Variants in RAB6A observed in about 807,000 individuals in gnomAD.
RAB6A encodes ras-related protein Rab-6A.
In RAB6A, 8 loss-of-function variants were observed where a neutral mutation model predicts 32.3. The observed-to-expected ratio is 0.25, with a 90% confidence interval of 0.15 to 0.45. The LOEUF (loss-of-function observed/expected upper bound fraction) is 0.45. Among genes scored for constraint, RAB6A ranks in the 20% least tolerant of loss-of-function variants. The pLI is 1.00. For missense variants in RAB6A, 104 were observed against 249.4 expected, an observed-to-expected ratio of 0.42 and a Z score of 3.93; for synonymous variants, 73 against 82.1, an observed-to-expected ratio of 0.89 and a Z score of 0.60.
intron 1 of RAB6A, among the ~76,000 whole-genome samples, chr11:73,755,516 C>G (rs1175612298): frequency 2.0e-5 from 3 of 152,164 alleles, no homozygotes. Context: ...TGGTCTCGAA[C>G]CCCTGACCTC....
At chr11:73,729,542 A>T in intron 2 of RAB6A, 1 of 151,690 alleles carries the variant, frequency 6.6e-6, no homozygotes. Flanking sequence ...GGTTTCATTG[A>T]TTTCCTCCAT....
intron 2 of RAB6A, among the ~76,000 whole-genome samples, chr11:73,727,757 A>G (rs1048869060): frequency 1.5e-4 from 23 of 152,218 alleles, no homozygotes; most frequent in African/African-American, 4.6e-4. Flanking sequence ...ATTACCCTAA[A>G]AAGGTTTCTG....
chr11:73,719,049 A>T (rs907343213), intron 3 of RAB6A, among the ~76,000 whole-genome samples: 22 of 152,030 alleles, frequency 1.4e-4, no homozygotes. Context: ...ATAACACAAA[A>T]CTCCTTTTTC....
chr11:73,698,906 C>T (rs1945698056), intron 6 of RAB6A, among the ~76,000 whole-genome samples: 2 of 136,758 alleles, frequency 1.5e-5, no homozygotes, highest in Middle Eastern at 5.7e-3. Context: ...GGCTGTAATG[C>T]AATGGCACAA....
chr11:73,728,610 AAATAAT>A (rs71065031), intron 2 of RAB6A, among the ~76,000 whole-genome samples: 60 of 136,468 alleles, frequency 4.4e-4, no homozygotes, highest in African/African-American at 8.1e-4. Flanking sequence ...GTCTTTGTTT[AAATAAT>A]AATAATAATA....
rs575246984 is a variant in RAB6A at position 73,711,910 on chromosome 11, G to A, written c.401+4341C>T. On this transcript the variant is annotated intron_variant, in intron 5 of 7. Transcript: ENST00000336083. ...TTCTTTTCAGATAATTAAGAGCTAT[G>A]TTACTTTCTCCATGAACCGTTCATA... Among the ~76,000 whole-genome samples the A allele has an allele frequency of 2.6e-5, 4 of 152,266 alleles. No individual in the cohort carries two copies. The East Asian group carries it at 5.8e-4, about 22-fold the overall frequency.
Position 73,682,601 on chromosome 11 carries a change from T to C in RAB6A, c.496-2881A>G, listed in dbSNP as rs560995319. On this transcript the variant is annotated intron_variant, in intron 6 of 7. Coordinates refer to ENST00000336083, the MANE Select transcript of RAB6A (RefSeq NM_198896.2). ...CTGCTTGAACCCGGGAGGTGGAGGA[T>C]GCAGTGAGCCAAGATGGTGCCACTG... Among the ~76,000 whole-genome samples the C allele has an allele frequency of 4.6e-5, 7 of 152,202 alleles. No individual in the cohort carries two copies. In the East Asian group the frequency reaches 1.4e-3, roughly 30 times the overall value.
At chr11:73,694,204 A>C (rs1249749668) in intron 6 of RAB6A, among the ~76,000 whole-genome samples, 1 of 152,192 alleles carries the variant, frequency 6.6e-6, no homozygotes, top group African/African-American at 2.4e-5. Flanking sequence ...CTGTAGTAAC[A>C]ATTTTTAAGG....
intron 5 of RAB6A, among the ~76,000 whole-genome samples, chr11:73,714,333 A>G (rs527780606): frequency 6.6e-6 from 1 of 151,882 alleles, no homozygotes; most frequent in Admixed American, 6.6e-5. Flanking sequence ...CTCTGGCTAT[A>G]AAGGGAAACA....
At chr11:73,697,824 T>C (rs1945679379) in intron 6 of RAB6A, among the ~76,000 whole-genome samples, 1 of 152,236 alleles carries the variant, frequency 6.6e-6, no homozygotes, top group African/African-American at 2.4e-5. Flanking sequence ...GATCAACAAA[T>C]ATCTGAGTTA....
rs577036954 is a variant in RAB6A at position 73,677,757 on chromosome 11, C to T, written c.*141G>A. 1.1e-3 allele frequency: 1,682 copies of T among 1,514,450 alleles called. 1 individual carries two copies. Among genetic ancestry groups the T allele is most frequent in the Non-Finnish European group, 1.4e-3 (1,506 of 1,115,182 alleles). The allele number at this position is 1,514,450 out of a possible 1,614,324, so 93.8% of individuals were successfully genotyped here. ...TTGTGAAGCTAATAGATCATCTCCACGAGACAGGCAGCAATGATGAATTGC... is the reference window on the plus strand; with the variant it reads ...TTGTGAAGCTAATAGATCATCTCCATGAGACAGGCAGCAATGATGAATTGC... On this transcript the variant is annotated 3_prime_UTR_variant, in exon 8 of 8. Transcript: ENST00000336083.
At chr11:73,709,446 T>TTAC (rs1945904951) in intron 5 of RAB6A, among the ~76,000 whole-genome samples, 1 of 139,590 alleles carries the variant, frequency 7.2e-6, no homozygotes, top group Admixed American at 7.3e-5. Context: ...TATATTATTA[T>TTAC]TATTATTATT....
intron 6 of RAB6A, among the ~76,000 whole-genome samples, 197 bp from the exon 7 acceptor site, chr11:73,679,917 A>C (rs1274418287): frequency 6.6e-6 from 1 of 151,966 alleles, no homozygotes; most frequent in East Asian, 1.9e-4. Context: ...CAACATGGTG[A>C]AACTCTGTCT....
At chr11:73,685,908 A>AAAAAAAC (rs1945447174) in intron 6 of RAB6A, among the ~76,000 whole-genome samples, 1 of 140,820 alleles carries the variant, frequency 7.1e-6, no homozygotes, top group Non-Finnish European at 1.5e-5. Flanking sequence ...AAAAAAAAAA[A>AAAAAAAC]GCAGCTTTAT....
chr11:73,752,973 C>A (rs1023166671), intron 1 of RAB6A, among the ~76,000 whole-genome samples: 3 of 152,084 alleles, frequency 2.0e-5, no homozygotes, highest in Admixed American at 6.5e-5. Flanking sequence ...AAAGTCCAAG[C>A]CAGGTGAGGT....
At chr11:73,758,879 T>C (rs1299337893) in intron 1 of RAB6A, among the ~76,000 whole-genome samples, 2 of 152,184 alleles carry the variant, frequency 1.3e-5, no homozygotes, top group Admixed American at 6.5e-5. Context: ...AGCAACTCCA[T>C]AGGTTCTACC....
chr11:73,690,555 C>CTTT (rs60543922), intron 6 of RAB6A, among the ~76,000 whole-genome samples: 299 of 147,558 alleles, frequency 2.0e-3, no homozygotes, highest in African/African-American at 6.6e-3. Context: ...CCAGCTAATT[C>CTTT]TTTTTTTTTT....
At chr11:73,693,559 T>A (rs1401747703) in intron 6 of RAB6A, among the ~76,000 whole-genome samples, 9 of 147,500 alleles carry the variant, frequency 6.1e-5, no homozygotes, top group African/African-American at 2.2e-4. Flanking sequence ...ACTCCATCTT[T>A]TTTTTTTTTT....
intron 1 of RAB6A, among the ~76,000 whole-genome samples, chr11:73,758,975 A>G (rs892878332): frequency 6.6e-6 from 1 of 152,136 alleles, no homozygotes; most frequent in Non-Finnish European, 1.5e-5. Context: ...TTTCCCCCCA[A>G]AAGGGAGGAG....
Sources: allele counts gnomAD v4.1 joint callset (sites outside exome capture counted in the v4.1 genomes callset), GRCh38; gene constraint gnomAD v4.1.1; transcripts MANE v1.5; gene names NCBI Gene and HGNC (gene_info 2026-07-23, HGNC 2026-07-21).